The following RELN variants were observed in gnomAD, a reference collection of about 807,000 sequenced individuals.
The protein encoded by RELN is reelin.
In RELN, 108 loss-of-function variants were observed where a neutral mutation model predicts 427.6. The ratio of observed to expected loss-of-function variants is 0.25; its 90% CI spans 0.22 to 0.30. The LOEUF (loss-of-function observed/expected upper bound fraction) is 0.30, where lower values mean the gene tolerates loss of function less well. Among genes scored for constraint, RELN ranks in the 10% least tolerant of loss-of-function variants. The pLI is 1.00. For missense variants in RELN, 3,715 were observed against 4,302.8 expected, an observed-to-expected ratio of 0.86 and a Z score of 3.82; for synonymous variants, 1,524 against 1,513.4, an observed-to-expected ratio of 1.01 and a Z score of -0.16.
At chr7:103,743,929 G>A (rs1185128851) in intron 6 of RELN, among the ~76,000 whole-genome samples, 1 of 152,146 alleles carries the variant, frequency 6.6e-6, no homozygotes, top group Non-Finnish European at 1.5e-5. Flanking sequence ...GACATCTACA[G>A]AACTCTCCAC....
At chr7:103,947,233 T>C (rs1247411917) in intron 1 of RELN, among the ~76,000 whole-genome samples, 2 of 152,194 alleles carry the variant, frequency 1.3e-5, no homozygotes, top group Non-Finnish European at 2.9e-5. Context: ...GGAAGTACTT[T>C]TGTGCACCAG....
At chr7:103,873,158 G>A (rs1382820996) in intron 2 of RELN, among the ~76,000 whole-genome samples, 2 of 149,766 alleles carry the variant, frequency 1.3e-5, no homozygotes, top group Non-Finnish European at 3.0e-5. Flanking sequence ...TGAAACCAAC[G>A]AGAACAAAGA....
chr7:103,628,707 T>A (rs1334786061), intron 20 of RELN, among the ~76,000 whole-genome samples: 1 of 152,212 alleles, frequency 6.6e-6, no homozygotes, highest in East Asian at 1.9e-4. Context: ...TAGCTTTCAG[T>A]GATATTCATC....
rs574124464 is a variant in RELN at position 103,569,427 on chromosome 7, G to C, written c.4589-2668C>G. Among the ~76,000 whole-genome samples, 1 of 152,296 alleles carries C rather than the reference G, an allele frequency of 6.6e-6. No homozygotes were observed. Among genetic ancestry groups the C allele is most frequent in the East Asian group, 1.9e-4 (1 of 5,186 alleles). On this transcript the variant is annotated intron_variant, in intron 31 of 64. Transcript: ENST00000428762. The surrounding 1 kb of genome is among the most constrained non-coding windows in gnomAD (Gnocchi z 4.0). ...CCAAAATTCCTGACTCACAGAAACT[G>C]TAAGATAACAAATATTTGATGTCTT...
intron 3 of RELN, among the ~76,000 whole-genome samples, chr7:103,789,292 T>C (rs1297334736): frequency 6.6e-6 from 1 of 152,140 alleles, no homozygotes; most frequent in East Asian, 1.9e-4. Flanking sequence ...AAAGACTTCA[T>C]GACTAAAACA....
At position 103,688,705 on chromosome 7, in the gene RELN, C is replaced by T. The variant is rs541995679; in HGVS notation, c.1144-6444G>A. Among the ~76,000 whole-genome samples the T allele has an allele frequency of 6.6e-5, 10 of 152,026 alleles. No homozygotes were observed. In the East Asian group the frequency reaches 1.4e-3, roughly 21 times the overall value. On this transcript the variant is annotated intron_variant, in intron 10 of 64. Transcript: ENST00000428762. ...AGTACTAGATGGGTGACAGCAGAAG[C>T]CCAGAATAAAAGATTCAGTTCTTAT...
intron 28 of RELN, among the ~76,000 whole-genome samples, chr7:103,586,524 G>A (rs1831276234): frequency 1.3e-5 from 2 of 152,098 alleles, no homozygotes; most frequent in Admixed American, 1.3e-4. Context: ...AGTACTAGAA[G>A]TCTTAGCTAA....
At chr7:103,669,853 T>C (rs565224017) in intron 11 of RELN, among the ~76,000 whole-genome samples, 2 of 152,136 alleles carry the variant, frequency 1.3e-5, no homozygotes, top group African/African-American at 2.4e-5. Flanking sequence ...TGATTAATTC[T>C]AAAATTAAAA....
At chr7:103,792,720 A>G (rs979125258) in intron 3 of RELN, among the ~76,000 whole-genome samples, 1 of 152,106 alleles carries the variant, frequency 6.6e-6, no homozygotes, top group Admixed American at 6.6e-5. Context: ...ACTTTTTAGT[A>G]TATCTGTGGA....
chr7:103,490,042 T>G (rs1196229250), intron 59 of RELN, 143 bp from the exon 60 acceptor site: 2 of 905,980 alleles, frequency 2.2e-6, no homozygotes, highest in Non-Finnish European at 3.5e-6. Flanking sequence ...CTGGCAGAGG[T>G]GAGAGAACTT....
chr7:103,482,741 A>G, intron 63 of RELN, 132 bp downstream of exon 63: 2 of 1,541,934 alleles, frequency 1.3e-6, no homozygotes, highest in African/African-American at 1.4e-5. Flanking sequence ...GTTGCAAAAG[A>G]GTGTAAGCCA....
chr7:103,701,280 C>A (rs1484526536), intron 8 of RELN, among the ~76,000 whole-genome samples: 1 of 152,042 alleles, frequency 6.6e-6, no homozygotes, highest in African/African-American at 2.4e-5. Context: ...AAAACAAATA[C>A]TTAGTGCTAT....
chr7:103,911,917 G>A (rs1309291516), intron 2 of RELN, among the ~76,000 whole-genome samples: 2 of 149,480 alleles, frequency 1.3e-5, no homozygotes, highest in African/African-American at 4.9e-5. Flanking sequence ...TGACGAGTTA[G>A]TGGGTGCAGC....
At position 103,566,583 on chromosome 7, in the gene RELN, G is replaced by T; in HGVS notation, c.4747+18C>A. The T allele has an allele frequency of 3.1e-6, 5 of 1,613,938 alleles. No individual in the cohort carries two copies. The highest frequency in any genetic ancestry group is 4.2e-6 in the Non-Finnish European group (5 of 1,179,976). Reference sequence around the variant, plus strand: ...TGACCTAAAAGCTACCAGAAAGCTGGAGTGAGCAGTAACTTACCATGTTGC... The same window carrying T: ...TGACCTAAAAGCTACCAGAAAGCTGTAGTGAGCAGTAACTTACCATGTTGC... On this transcript the variant is annotated intron_variant, in intron 32 of 64. Transcript: ENST00000428762.
At position 103,599,831 on chromosome 7, in the gene RELN, G is replaced by A. The variant is rs189347991; in HGVS notation, c.3334-3170C>T. Among the ~76,000 whole-genome samples, 369 of 152,302 alleles carry A rather than the reference G, an allele frequency of 2.4e-3. 1 individual carries two copies. Among genetic ancestry groups the A allele is most frequent in the African/African-American group, 8.6e-3 (358 of 41,562 alleles). On this transcript the variant is annotated intron_variant, in intron 24 of 64. Transcript: ENST00000428762. ...AATATAAGCTATGTAGTTAGAGCAG[G>A]AGTATCAGAGACCATCTTGAATATT...
intron 8 of RELN, among the ~76,000 whole-genome samples, chr7:103,714,489 G>C (rs945854050): frequency 6.6e-6 from 1 of 152,164 alleles, no homozygotes; most frequent in Non-Finnish European, 1.5e-5. Context: ...AGGGAATGCG[G>C]TTGAGTCAAC....
At chr7:103,814,056 G>T (rs557514886) in intron 3 of RELN, among the ~76,000 whole-genome samples, 2 of 152,218 alleles carry the variant, frequency 1.3e-5, no homozygotes, top group African/African-American at 4.8e-5. Context: ...GTCATAGGAA[G>T]AGCATTGGTT....
chr7:103,832,344 T>C (rs987178076), intron 3 of RELN, among the ~76,000 whole-genome samples: 7 of 152,092 alleles, frequency 4.6e-5, no homozygotes, highest in African/African-American at 1.7e-4. Flanking sequence ...ATTCGACAAA[T>C]ATTTAGTGAG....
At position 103,708,464 on chromosome 7, in the gene RELN, C is replaced by CTTTTTTTTTTTTTT. The variant is rs745955015; in HGVS notation, c.806-7472_806-7459dup. ...CACCCAAACACCAGTGGGTATGACT[C>CTTTTTTTTTTTTTT]TTTTTTTTTTTTTTTTTGAGACGGA... is the stretch of plus-strand genomic sequence containing the variant. On this transcript the variant is annotated intron_variant, in intron 8 of 64. Transcript: ENST00000428762. Among the ~76,000 whole-genome samples the CTTTTTTTTTTTTTT allele has an allele frequency of 7.0e-3, 774 of 109,922 alleles. 119 individuals carry two copies. The highest frequency in any genetic ancestry group is 0.027 in the African/African-American group (597 of 22,512). The allele number at this position is 109,922 out of a possible 152,430, so 72.1% of individuals were successfully genotyped here.
Sources: allele counts gnomAD v4.1 joint callset (sites outside exome capture counted in the v4.1 genomes callset), GRCh38; gene constraint gnomAD v4.1.1; non-coding constraint Gnocchi (gnomAD v3.1); transcripts MANE v1.5; gene names NCBI Gene and HGNC (gene_info 2026-07-23, HGNC 2026-07-21).